EPB41L3: variants seen among roughly 807,000 people sequenced by gnomAD.
EPB41L3 encodes the protein band 4.1-like protein 3.
Under a neutral mutation model 127.1 loss-of-function variants are expected in EPB41L3, and 57 were observed. The ratio of observed to expected loss-of-function variants is 0.45; its 90% CI spans 0.36 to 0.56. EPB41L3 has a LOEUF of 0.56. Among genes scored for constraint, EPB41L3 ranks in the 20% least tolerant of loss-of-function variants. The pLI is 0.00. For synonymous variants in EPB41L3, 572 were observed against 549.5 expected (o/e 1.04, Z -0.57); for missense variants, 1,273 against 1,372.2 (o/e 0.93, Z 1.14).
chr18:5,544,460 A>G, upstream of EPB41L3: 1 of 364,162 alleles, frequency 2.7e-6, no homozygotes, highest in Non-Finnish European at 3.8e-6. Context: ...GGTGTCTTCA[A>G]GTCATGTTAA....
intron 7 of EPB41L3, 136 bp from the exon 8 acceptor site, chr18:5,433,692 GA>G (rs2079323239): frequency 3.3e-6 from 3 of 900,996 alleles, no homozygotes; most frequent in African/African-American, 3.4e-5. Flanking sequence ...AGAATAACAA[GA>G]AAAAGGGCTT....
At position 5,395,652 on chromosome 18, in the gene EPB41L3, G is replaced by A; in HGVS notation, c.3029C>T (p.Thr1010Ile). 2 of 1,614,174 alleles carry A rather than the reference G, an allele frequency of 1.2e-6. No homozygotes were observed. The highest frequency in any genetic ancestry group is 1.7e-6 in the Non-Finnish European group (2 of 1,180,034). The change falls in exon 20 of 23, where the codon ACA becomes ATA. Residue 1010 changes from threonine to isoleucine, a missense_variant. Coordinates refer to ENST00000341928, the MANE Select transcript of EPB41L3 (RefSeq NM_012307.5). ...GGTGGTGGTACTGGTGGTTTCAGAT[G>A]TGATCGTCTGTGCACTCATCAGCAC... is the stretch of plus-strand genomic sequence containing the variant. The part of the protein sequence containing the change: ...PGVLMSAQTI[T>I]SETTSTTTTT...
At chr18:5,487,299 G>C (rs2089911452) in intron 2 of EPB41L3, among the ~76,000 whole-genome samples, 1 of 151,980 alleles carries the variant, frequency 6.6e-6, no homozygotes, top group South Asian at 2.1e-4. Context: ...ATGGGGAGTA[G>C]AATGGTGATT....
At chr18:5,591,323 T>C (rs1182643711) in intron 3 of EPB41L3, among the ~76,000 whole-genome samples, 1 of 148,822 alleles carries the variant, frequency 6.7e-6, no homozygotes, top group East Asian at 2.0e-4. Flanking sequence ...TTTTGGTGGA[T>C]GGGAAGTCCA....
intron 1 of EPB41L3, among the ~76,000 whole-genome samples, chr18:5,541,314 G>A (rs1463389311): frequency 1.5e-5 from 2 of 136,238 alleles, no homozygotes; most frequent in Admixed American, 7.4e-5. Context: ...AATTCTCACA[G>A]AAAGGAAACA....
At chr18:5,625,063 G>A (rs2144303409) in intron 1 of EPB41L3, among the ~76,000 whole-genome samples, 1 of 152,202 alleles carries the variant, frequency 6.6e-6, no homozygotes, top group Admixed American at 6.5e-5. Flanking sequence ...TTTCCTGTTG[G>A]GGCCTCGGGA....
chr18:5,623,256 A>C (rs985635880), intron 1 of EPB41L3, among the ~76,000 whole-genome samples: 1 of 152,170 alleles, frequency 6.6e-6, no homozygotes, highest in African/African-American at 2.4e-5. Flanking sequence ...TATTTGTGTA[A>C]ATTTTATAAA....
chr18:5,530,486 C>T (rs371423340), intron 1 of EPB41L3, among the ~76,000 whole-genome samples: 189 of 152,276 alleles, frequency 1.2e-3, no homozygotes, highest in African/African-American at 4.4e-3. Flanking sequence ...CTCTGCCTCA[C>T]CCTCAGGATG....
chr18:5,496,329 GC>G (rs1476863124), intron 1 of EPB41L3, among the ~76,000 whole-genome samples: 1 of 152,224 alleles, frequency 6.6e-6, no homozygotes, highest in Non-Finnish European at 1.5e-5. Flanking sequence ...ATTTGCCTAT[GC>G]TTCTGAAACA....
At chr18:5,396,377 G>GA (rs1161877225) in intron 18 of EPB41L3, 45 bp from the exon 19 acceptor site, 1 of 1,611,314 alleles carries the variant, frequency 6.2e-7, no homozygotes, top group African/African-American at 1.3e-5. Context: ...TAGTTTGCAT[G>GA]AACACATTGT....
chr18:5,607,100 C>T (rs552726876), intron 3 of EPB41L3, among the ~76,000 whole-genome samples: 18 of 152,316 alleles, frequency 1.2e-4, no homozygotes, highest in South Asian at 1.0e-3. Context: ...GTGACACCCA[C>T]ATATGATCAA....
At chr18:5,592,309 G>A (rs969069032) in intron 3 of EPB41L3, among the ~76,000 whole-genome samples, 1 of 152,114 alleles carries the variant, frequency 6.6e-6, no homozygotes, top group East Asian at 1.9e-4. Flanking sequence ...TGGGATTACA[G>A]GTGTATGCCA....
intron 3 of EPB41L3, among the ~76,000 whole-genome samples, chr18:5,453,073 A>G (rs2082514655): frequency 6.6e-6 from 1 of 152,160 alleles, no homozygotes. Context: ...GAATCCCTAT[A>G]AATCATCTCT....
At chr18:5,432,077 C>CGTGCAGAGT in intron 8 of EPB41L3, among the ~76,000 whole-genome samples, 1 of 152,180 alleles carries the variant, frequency 6.6e-6, no homozygotes, top group Non-Finnish European at 1.5e-5. Context: ...TCCTGCATGA[C>CGTGCAGAGT]GTGCAGAGTG....
chr18:5,510,622 T>C (rs1375826175), intron 1 of EPB41L3, among the ~76,000 whole-genome samples: 1 of 152,182 alleles, frequency 6.6e-6, no homozygotes, highest in East Asian at 1.9e-4. Context: ...TCCATTCCAG[T>C]GGTCTATATA....
intron 1 of EPB41L3, among the ~76,000 whole-genome samples, chr18:5,492,383 A>G (rs2090708813): frequency 6.9e-6 from 1 of 145,508 alleles, no homozygotes; most frequent in Admixed American, 6.7e-5. Flanking sequence ...ATAAGCTTTT[A>G]GTGTTCTCCT....
chr18:5,567,308 A>G (rs1344460996), intron 3 of EPB41L3: 2 of 152,236 alleles, frequency 1.3e-5, no homozygotes, highest in African/African-American at 4.8e-5. Context: ...AAACTGTCTA[A>G]GAGATTGGTG....
chr18:5,554,482 G>A (rs1159176002), intron 3 of EPB41L3, among the ~76,000 whole-genome samples: 6 of 152,170 alleles, frequency 3.9e-5, no homozygotes, highest in Non-Finnish European at 8.8e-5. Context: ...AAATCTAAGG[G>A]AATGGTGGAT....
chr18:5,427,750 AT>A (rs200489368), intron 9 of EPB41L3, among the ~76,000 whole-genome samples: 48 of 147,428 alleles, frequency 3.3e-4, no homozygotes, highest in Admixed American at 4.1e-4. Context: ...TGATACTGGA[AT>A]TTTTTTTTTT....
Sources: allele counts gnomAD v4.1 joint callset (sites outside exome capture counted in the v4.1 genomes callset), GRCh38; gene constraint gnomAD v4.1.1; transcripts MANE v1.5; gene names NCBI Gene and HGNC (gene_info 2026-07-23, HGNC 2026-07-21).